Variants in NRG1 observed in about 807,000 individuals in gnomAD.
NRG1 encodes the protein pro-neuregulin-1, membrane-bound isoform.
NRG1 carries 18 observed loss-of-function variants against 63.8 expected under a neutral mutation model. That is an observed-to-expected ratio of 0.28 (90% CI 0.19 to 0.42). The LOEUF (loss-of-function observed/expected upper bound fraction) is 0.42, where lower values mean the gene tolerates loss of function less well. Ranked by LOEUF, NRG1 falls within the 10% of genes least tolerant of loss-of-function variation. The probability of loss-of-function intolerance (pLI) is 1.00; values close to 1 mark genes in which losing one functional copy is unlikely to be tolerated. For missense variants in NRG1, 762 were observed against 814.7 expected (o/e 0.94, Z 0.79); for synonymous variants, 302 against 301.3 (o/e 1.00, Z -0.02).
chr8:32,124,584 T>G (rs2131580583), intron 1 of NRG1, among the ~76,000 whole-genome samples: 1 of 151,922 alleles, frequency 6.6e-6, no homozygotes, highest in Non-Finnish European at 1.5e-5. Flanking sequence ...ATTGGAGTAC[T>G]ACTTGTCCAG....
intron 1 of NRG1, among the ~76,000 whole-genome samples, chr8:31,921,900 C>T (rs149720341): frequency 6.6e-6 from 1 of 152,004 alleles, no homozygotes; most frequent in African/African-American, 2.4e-5. Flanking sequence ...CTATATGAGA[C>T]TTTGTTAATT....
intron 1 of NRG1, among the ~76,000 whole-genome samples, chr8:31,648,949 CTTT>C (rs1026753680): frequency 3.0e-5 from 4 of 133,376 alleles, no homozygotes; most frequent in Admixed American, 8.7e-5. Flanking sequence ...ATTCTTTTTT[CTTT>C]TTTTCTTTTC....
intron 6 of NRG1, among the ~76,000 whole-genome samples, chr8:32,740,673 C>T (rs1826116122): frequency 6.6e-6 from 1 of 151,994 alleles, no homozygotes. Context: ...ACTCACAGGG[C>T]AAAAAATCTG....
intron 1 of NRG1, among the ~76,000 whole-genome samples, chr8:32,240,256 A>G (rs758286675): frequency 3.9e-5 from 6 of 152,214 alleles, no homozygotes; most frequent in Non-Finnish European, 2.9e-5. Flanking sequence ...AGACAAAACC[A>G]TGGATGAATT....
intron 1 of NRG1, among the ~76,000 whole-genome samples, chr8:31,742,356 TG>T (rs1316474332): frequency 6.6e-6 from 1 of 151,706 alleles, no homozygotes; most frequent in Non-Finnish European, 1.5e-5. Flanking sequence ...TTCTTCAAAT[TG>T]TATATACATT....
intron 1 of NRG1, among the ~76,000 whole-genome samples, chr8:31,716,179 A>G (rs4566990): frequency 0.5 from 76,470 of 152,032 alleles, 21,016 homozygotes; most frequent in Non-Finnish European, 0.62. Context: ...TGTCCTCTGG[A>G]GCATATACTA....
chr8:32,663,443 C>T (rs1803370710), intron 5 of NRG1, among the ~76,000 whole-genome samples: 1 of 152,168 alleles, frequency 6.6e-6, no homozygotes, highest in Non-Finnish European at 1.5e-5. Flanking sequence ...ACCATGTATA[C>T]TATAAGCTCT....
chr8:31,877,944 A>G (rs1032348061), intron 1 of NRG1, among the ~76,000 whole-genome samples: 4 of 152,332 alleles, frequency 2.6e-5, no homozygotes, highest in South Asian at 4.1e-4. Flanking sequence ...TAAATCGCAG[A>G]GTACTGTTTT....
At chr8:31,865,572 T>G (rs1000519404) in intron 1 of NRG1, among the ~76,000 whole-genome samples, 1 of 152,098 alleles carries the variant, frequency 6.6e-6, no homozygotes, top group Non-Finnish European at 1.5e-5. Flanking sequence ...GTTCTTGTGA[T>G]AGTGAGTGAG....
At chr8:32,771,715 A>AAAAATAT (rs1343943621), downstream of NRG1, among the ~76,000 whole-genome samples, 677 of 111,798 alleles carry the variant, frequency 6.1e-3, 4 homozygotes, top group African/African-American at 0.011. Flanking sequence ...TTAAAAAAAA[A>AAAAATAT]ATATATATAT....
At chr8:31,793,065 A>G (rs1055796756) in intron 1 of NRG1, among the ~76,000 whole-genome samples, 1 of 152,236 alleles carries the variant, frequency 6.6e-6, no homozygotes, top group Non-Finnish European at 1.5e-5. Flanking sequence ...TTAGAAAAGC[A>G]TGTGTAAAGA....
At chr8:32,722,977 C>T (rs570584665) in intron 5 of NRG1, among the ~76,000 whole-genome samples, 20 of 152,232 alleles carry the variant, frequency 1.3e-4, no homozygotes, top group Non-Finnish European at 2.5e-4. Flanking sequence ...GAATAATTTC[C>T]TAAGAAACAA....
At chr8:32,739,026 G>A (rs968349339) in intron 6 of NRG1, among the ~76,000 whole-genome samples, 6 of 152,150 alleles carry the variant, frequency 3.9e-5, no homozygotes, top group Non-Finnish European at 8.8e-5. Context: ...GATTCCATGT[G>A]TTAGAATAAG....
At chr8:31,988,857 A>G (rs1810534774) in intron 1 of NRG1, among the ~76,000 whole-genome samples, 1 of 152,022 alleles carries the variant, frequency 6.6e-6, no homozygotes, top group Non-Finnish European at 1.5e-5. Flanking sequence ...AAGTTCATGT[A>G]CCATTCCAGC....
At chr8:32,765,400 C>G (rs894574034) in exon 12 of NRG1, 1 of 152,132 alleles carries the variant, frequency 6.6e-6, no homozygotes, top group Non-Finnish European at 1.5e-5. Context: ...AGCATTTTGT[C>G]TGAAATACTT....
intron 1 of NRG1, among the ~76,000 whole-genome samples, chr8:32,263,002 A>G (rs1850552091): frequency 6.6e-6 from 1 of 152,144 alleles, no homozygotes; most frequent in Non-Finnish European, 1.5e-5. Context: ...CTTCTAGGCT[A>G]CTTGTTAATG....
chr8:32,036,418 C>T (rs1819070198), intron 1 of NRG1, among the ~76,000 whole-genome samples: 1 of 152,058 alleles, frequency 6.6e-6, no homozygotes, highest in Admixed American at 6.6e-5. Flanking sequence ...TGGGGTTGTT[C>T]TTCTCATGGA....
At chr8:31,985,755 CTT>C (rs1346047985) in intron 1 of NRG1, among the ~76,000 whole-genome samples, 1 of 152,000 alleles carries the variant, frequency 6.6e-6, no homozygotes, top group East Asian at 1.9e-4. Flanking sequence ...TCTTGAAAGG[CTT>C]TTGTTTTCTG....
At chr8:32,745,224 A>G (rs749374972) in intron 7 of NRG1, among the ~76,000 whole-genome samples, 11 of 152,316 alleles carry the variant, frequency 7.2e-5, no homozygotes, top group Non-Finnish European at 8.8e-5. Context: ...GAATGTCACC[A>G]TAGTGACCGT....
Sources: allele counts gnomAD v4.1 joint callset (sites outside exome capture counted in the v4.1 genomes callset), GRCh38; gene constraint gnomAD v4.1.1; transcripts MANE v1.5; gene names NCBI Gene and HGNC (gene_info 2026-07-23, HGNC 2026-07-21).